TRMT61B: variants seen among roughly 807,000 people sequenced by gnomAD.
The protein encoded by TRMT61B is tRNA (adenine(58)-N(1))-methyltransferase, mitochondrial.
Under a neutral mutation model 52.0 loss-of-function variants are expected in TRMT61B, and 56 were observed. The ratio of observed to expected loss-of-function variants is 1.08; its 90% CI spans 0.87 to 1.35. The LOEUF (loss-of-function observed/expected upper bound fraction) is 1.35. TRMT61B is among the 40% of genes most tolerant of loss of function. The pLI is 0.00. For missense variants in TRMT61B, 650 were observed against 577.9 expected (o/e 1.12, Z -1.28); for synonymous variants, 206 against 220.0 (o/e 0.94, Z 0.56).
In TRMT61B at chr2:28,850,339, G is replaced by C. The variant is rs756642332; in HGVS notation, c.1379C>G (p.Pro460Arg). 4.3e-6 allele frequency: 7 copies of C among 1,609,864 alleles called. No homozygotes were observed. In the South Asian group the frequency reaches 7.8e-5, roughly 18 times the overall value. The change falls in exon 6 of 7, where the codon CCT becomes CGT. Residue 460 changes from proline (P) to arginine (R), a missense_variant. Pro to Arg is a moderately radical substitution (Grantham distance 103). Coordinates refer to ENST00000306108, the MANE Select transcript of TRMT61B (RefSeq NM_017910.4). ...PYVARPVHWQ[P>R]GHTAFLVKLR... ...AAAACATTACTCACCTGTATGACCA[G>C]GTTGCCAGTGTACTGGTCTAGCAAC...
At chr2:28,852,824 T>C (rs1167544102) in intron 3 of TRMT61B, among the ~76,000 whole-genome samples, 1 of 148,874 alleles carries the variant, frequency 6.7e-6, no homozygotes, top group African/African-American at 2.5e-5. Flanking sequence ...CTGGATGCAG[T>C]GGCACAAGCC....
chr2:28,851,000 T>C, intron 5 of TRMT61B, 72 bp downstream of exon 5: 2 of 921,842 alleles, frequency 2.2e-6, no homozygotes, highest in Non-Finnish European at 3.2e-6. Context: ...ATTTTTATAA[T>C]CTATTGGTCA....
intron 3 of TRMT61B, among the ~76,000 whole-genome samples, chr2:28,859,111 G>T (rs971000186): frequency 4.0e-5 from 6 of 150,986 alleles, no homozygotes; most frequent in Admixed American, 1.3e-4. Context: ...ATGCAGTCTC[G>T]CTCTGTCACC....
At chr2:28,869,524 G>A (rs1669989920) in intron 1 of TRMT61B, 55 bp downstream of exon 1, 2 of 1,215,030 alleles carry the variant, frequency 1.6e-6, no homozygotes, top group Non-Finnish European at 2.4e-6. Flanking sequence ...ACTGAGTACT[G>A]CATCTGTCTT....
In TRMT61B at chr2:28,869,979, C is replaced by T. The variant is rs778365826; in HGVS notation, c.299G>A (p.Arg100Gln). 2 of 1,613,684 alleles carry T rather than the reference C, an allele frequency of 1.2e-6. No individual in the cohort carries two copies. The highest frequency in any genetic ancestry group is 1.7e-6 in the Non-Finnish European group (2 of 1,179,974). Reference protein sequence around the residue: ...LPTLREESSPRELEDSSGDQG... With the variant: ...LPTLREESSPQELEDSSGDQG... ...GTCTCCGCTCGAGTCCTCGAGCTCT[C>T]GAGGGGATGACTCTTCCCGCAGCGT... Residue 100 changes from arginine (R) to glutamine (Q), a missense_variant, in exon 1 of 7, where the codon CGA becomes CAA. Transcript: ENST00000306108.
Position 28,850,382 on chromosome 2 carries a change from A to G in TRMT61B, c.1336T>C (p.Tyr446His). 1.2e-6 allele frequency: 2 copies of G among 1,608,398 alleles called. No homozygotes were observed. The highest frequency in any genetic ancestry group is 2.2e-5 in the East Asian group (1 of 44,738). The change falls in exon 6 of 7, where the codon TAT becomes CAT. Residue 446 changes from tyrosine (Y) to histidine (H), a missense_variant. By Grantham distance (83) the Tyr-to-His change is moderately conservative (BLOSUM62 2). Coordinates refer to ENST00000306108, the MANE Select transcript of TRMT61B (RefSeq NM_017910.4). ...DHEESHSDFPYGSFPYVARPV... is the reference protein window; with the variant it reads ...DHEESHSDFPHGSFPYVARPV... ...CTAGCAACATAGGGAAATGATCCAT[A>G]TGGAAAATCAGAATGCGATTCTTCT...
chr2:28,853,021 T>C (rs901222002), intron 3 of TRMT61B, among the ~76,000 whole-genome samples: 1 of 152,218 alleles, frequency 6.6e-6, no homozygotes, highest in African/African-American at 2.4e-5. Context: ...ATATGTCTTG[T>C]ACTTTGCATA....
chr2:28,863,272 A>C (rs541179017), intron 2 of TRMT61B, among the ~76,000 whole-genome samples: 1 of 152,016 alleles, frequency 6.6e-6, no homozygotes, highest in East Asian at 1.9e-4. Flanking sequence ...CTCTACAAAA[A>C]CTTTAAAAAT....
intron 1 of TRMT61B, among the ~76,000 whole-genome samples, chr2:28,866,211 A>G (rs1394460003): frequency 2.7e-5 from 4 of 149,312 alleles, no homozygotes; most frequent in African/African-American, 9.9e-5. Flanking sequence ...GGCTGGTCTC[A>G]AACTCCTGAT....
Position 28,850,257 on chromosome 2 carries a change from G to A in TRMT61B, c.1391-15C>T, listed in dbSNP as rs1669014412. 2 of 1,609,086 alleles carry A rather than the reference G, an allele frequency of 1.2e-6. No homozygotes were observed. The highest frequency in any genetic ancestry group is 2.7e-5 in the African/African-American group (2 of 74,766). On this transcript the variant is annotated splice_polypyrimidine_tract_variant and intron_variant, in intron 6 of 6. Coordinates refer to ENST00000306108, the MANE Select transcript of TRMT61B (RefSeq NM_017910.4). ...GACAAGAAAAGCTAATTTAAGAGAA[G>A]AAAAACATAAAGTCATTATATTAAT...
intron 3 of TRMT61B, among the ~76,000 whole-genome samples, chr2:28,854,852 C>G (rs1003950781): frequency 6.8e-6 from 1 of 147,724 alleles, no homozygotes; most frequent in African/African-American, 2.5e-5. Context: ...CTTGAGAAAT[C>G]AAGGCTGCAG....
chr2:28,862,253 C>T (rs1291225200), intron 2 of TRMT61B, among the ~76,000 whole-genome samples: 5 of 148,722 alleles, frequency 3.4e-5, no homozygotes, highest in African/African-American at 1.2e-4. Context: ...CATACTCTCC[C>T]TAAGTTATTG....
chr2:28,856,801 AT>A (rs1016487513), intron 3 of TRMT61B, among the ~76,000 whole-genome samples: 6 of 151,058 alleles, frequency 4.0e-5, no homozygotes, highest in Non-Finnish European at 7.4e-5. Flanking sequence ...CACCCAACTA[AT>A]TTTTTTTTAT....
At chr2:28,860,013 T>A (rs894322203) in intron 3 of TRMT61B, among the ~76,000 whole-genome samples, 2 of 152,090 alleles carry the variant, frequency 1.3e-5, no homozygotes. Context: ...GGCTCATGCC[T>A]GTAATCCCAG....
In TRMT61B at chr2:28,855,275, A is replaced by C. The variant is rs1270650044; in HGVS notation, c.994-2776T>G. Among the ~76,000 whole-genome samples the C allele has an allele frequency of 2.6e-5, 4 of 152,196 alleles. No individual in the cohort carries two copies. The East Asian group carries it at 7.7e-4, about 29-fold the overall frequency. ...AGCCACTGAAGAATTTTAAAGATTG[A>C]CATGATTTGAACTTTTTTAAAAAAC... On this transcript the variant is annotated intron_variant, in intron 3 of 6. Coordinates refer to ENST00000306108, the MANE Select transcript of TRMT61B (RefSeq NM_017910.4).
At chr2:28,852,377 C>T in intron 4 of TRMT61B, 31 bp downstream of exon 4, 2 of 1,083,006 alleles carry the variant, frequency 1.8e-6, no homozygotes, top group Admixed American at 2.5e-5. Context: ...TTAAAAGTTA[C>T]ATTACAAAGA....
At chr2:28,854,500 G>C (rs1669253709) in intron 3 of TRMT61B, among the ~76,000 whole-genome samples, 1 of 152,038 alleles carries the variant, frequency 6.6e-6, no homozygotes, top group Non-Finnish European at 1.5e-5. Flanking sequence ...AGCACTTTGC[G>C]AGGCCGAGGT....
chr2:28,869,917 C>T lies in TRMT61B; in HGVS notation c.361G>A (p.Asp121Asn). The change falls in exon 1 of 7, where the codon GAT (aspartate) becomes AAT (asparagine). Residue 121 changes from aspartate (D) to asparagine (N), a missense_variant. Physicochemically the swap from Asp to Asn is conservative, Grantham distance 23 (BLOSUM62 1). Transcript: ENST00000306108. ...TGGGCCTGCGAGAGCATCGAAGGATCCTCGGATCCCTGGTGTGTGGGACCG... is the reference window on the plus strand; with the variant it reads ...TGGGCCTGCGAGAGCATCGAAGGATTCTCGGATCCCTGGTGTGTGGGACCG... ...RCGPTHQGSE[D>N]PSMLSQAQSA... is the part of the protein sequence containing the mutation. 6.2e-7 allele frequency: 1 copy of T among 1,613,798 alleles called. No homozygotes were observed. Among genetic ancestry groups the T allele is most frequent in the Non-Finnish European group, 8.5e-7 (1 of 1,179,862 alleles).
chr2:28,866,984 A>G (rs1260097636), intron 1 of TRMT61B, among the ~76,000 whole-genome samples: 1 of 151,774 alleles, frequency 6.6e-6, no homozygotes, highest in Non-Finnish European at 1.5e-5. Flanking sequence ...TTTTTTATAA[A>G]GATGGGGTCC....
Sources: allele counts gnomAD v4.1 joint callset (sites outside exome capture counted in the v4.1 genomes callset), GRCh38; gene constraint gnomAD v4.1.1; transcripts MANE v1.5; gene names NCBI Gene and HGNC (gene_info 2026-07-23, HGNC 2026-07-21).